Variants in BTBD9 observed in about 807,000 individuals in gnomAD.
BTBD9 encodes BTB domain containing 9.
Under a neutral mutation model 64.3 loss-of-function variants are expected in BTBD9, and 49 were observed. The ratio of observed to expected loss-of-function variants is 0.76; its 90% confidence interval spans 0.61 to 0.97. BTBD9 has a LOEUF of 0.97. Ranked by LOEUF, BTBD9 falls within the 50% of genes least tolerant of loss-of-function variation. The pLI, the probability that BTBD9 is intolerant of heterozygous loss-of-function variation, is 0.00. For synonymous variants in BTBD9, 260 were observed against 274.7 expected (o/e 0.95, Z 0.53); for missense variants, 598 against 762.1 (o/e 0.78, Z 2.53).
intron 6 of BTBD9, among the ~76,000 whole-genome samples, chr6:38,539,373 C>G (rs923473994): frequency 5.3e-5 from 8 of 152,128 alleles, no homozygotes; most frequent in Non-Finnish European, 1.2e-4. Context: ...AACAAATGAA[C>G]CTGGGGTTAA....
chr6:38,518,300 T>G (rs1300287876), intron 6 of BTBD9, among the ~76,000 whole-genome samples: 1 of 152,214 alleles, frequency 6.6e-6, no homozygotes, highest in African/African-American at 2.4e-5. Flanking sequence ...TATTCTCTCC[T>G]CCCAACGTGA....
chr6:38,347,078 T>C (rs993875926), intron 6 of BTBD9, among the ~76,000 whole-genome samples: 2 of 152,156 alleles, frequency 1.3e-5, no homozygotes, highest in African/African-American at 2.4e-5. Context: ...CCTCCTGTTC[T>C]TTCTTTTTAA....
intron 9 of BTBD9, chr6:38,207,226 T>C: frequency 5.0e-6 from 1 of 201,084 alleles, no homozygotes; most frequent in South Asian, 6.2e-5. Context: ...AGGGAGGAAA[T>C]GCAAGAGATC....
chr6:38,239,245 T>C (rs1238266381), intron 9 of BTBD9, among the ~76,000 whole-genome samples: 1 of 151,758 alleles, frequency 6.6e-6, no homozygotes, highest in East Asian at 1.9e-4. Context: ...ATCGAGACCA[T>C]CCTGGCCAAC....
chr6:38,417,644 C>T (rs1398552705), intron 6 of BTBD9, among the ~76,000 whole-genome samples: 2 of 151,996 alleles, frequency 1.3e-5, no homozygotes, highest in Non-Finnish European at 2.9e-5. Context: ...CATGGTGGCA[C>T]GTGCCTATAG....
In BTBD9 at chr6:38,302,507, A is replaced by G. The variant is rs569841248; in HGVS notation, c.1265-14046T>C. On this transcript the variant is annotated intron_variant, in intron 7 of 10. Transcript: ENST00000481247. ...TATGTATATATATATATATATATAT[A>G]TATATATATATATATATCACATTCT... is the stretch of plus-strand genomic sequence containing the variant. 7.0e-3 allele frequency among the ~76,000 whole-genome samples: 968 copies of G among 138,420 alleles called. 34 individuals carry two copies. The highest frequency in any genetic ancestry group is 0.025 in the African/African-American group (899 of 35,986). 90.8% of individuals were successfully genotyped at this position (138,420 alleles called of 152,430 possible).
chr6:38,465,563 G>A (rs1034468894), intron 6 of BTBD9, among the ~76,000 whole-genome samples: 10 of 149,268 alleles, frequency 6.7e-5, no homozygotes, highest in Non-Finnish European at 1.0e-4. Flanking sequence ...ACCAGGAGGT[G>A]GAGCTTGCAG....
intron 6 of BTBD9, among the ~76,000 whole-genome samples, chr6:38,478,728 G>C (rs1352873460): frequency 6.6e-6 from 1 of 152,180 alleles, no homozygotes; most frequent in Admixed American, 6.5e-5. Context: ...GAAGAGCTAA[G>C]AACTCCTGTT....
intron 6 of BTBD9, among the ~76,000 whole-genome samples, chr6:38,515,408 T>G (rs1281317017): frequency 6.6e-6 from 1 of 152,288 alleles, no homozygotes; most frequent in East Asian, 1.9e-4. Context: ...CGAATTTGCT[T>G]AAAAGATATC....
rs189401966 is a variant in BTBD9, at chr6:38,314,024, A to G, written c.1265-25563T>C. 1.2e-3 allele frequency among the ~76,000 whole-genome samples: 181 copies of G among 152,008 alleles called. 1 individual carries two copies. Among genetic ancestry groups the G allele is most frequent in the African/African-American group, 4.1e-3 (170 of 41,504 alleles). ...CCAAAGTGCTGGGATTATAGGTGTG[A>G]GCCACTGTGCCTGGTGAATGAACTT... On this transcript the variant is annotated intron_variant, in intron 7 of 10. Transcript: ENST00000481247.
At chr6:38,228,777 G>C (rs1763499456) in intron 9 of BTBD9, among the ~76,000 whole-genome samples, 2 of 152,102 alleles carry the variant, frequency 1.3e-5, no homozygotes, top group Non-Finnish European at 2.9e-5. Context: ...AGGAGGCTGA[G>C]GCAGGAGAAT....
chr6:38,611,417 T>A (rs952828537), intron 1 of BTBD9, among the ~76,000 whole-genome samples: 1 of 152,158 alleles, frequency 6.6e-6, no homozygotes, highest in Non-Finnish European at 1.5e-5. Flanking sequence ...AAAGAAATAT[T>A]TATCAAAAGG....
rs556886348 is a variant in BTBD9 at position 38,398,315 on chromosome 6, C to A, written c.1155-53222G>T. On this transcript the variant is annotated intron_variant, in intron 6 of 10. Transcript: ENST00000481247. The stretch of plus-strand genomic sequence containing the variant: ...GAGAAATATAAAATTGTACTTGTGC[C>A]AGGTTCACAAGTCTCTCTTTCTTCT... Among the ~76,000 whole-genome samples the A allele has an allele frequency of 2.6e-3, 398 of 152,182 alleles. 2 individuals carry two copies. Among genetic ancestry groups the A allele is most frequent in the Non-Finnish European group, 5.1e-3 (345 of 68,002 alleles).
intron 6 of BTBD9, among the ~76,000 whole-genome samples, chr6:38,382,052 T>C (rs1302017035): frequency 6.6e-6 from 1 of 152,156 alleles, no homozygotes; most frequent in Non-Finnish European, 1.5e-5. Flanking sequence ...GCAAAAACTG[T>C]CCGAATCAAC....
intron 6 of BTBD9, among the ~76,000 whole-genome samples, chr6:38,468,017 A>G (rs545620829): frequency 1.3e-5 from 2 of 152,310 alleles, no homozygotes; most frequent in African/African-American, 2.4e-5. Flanking sequence ...GGTAATTCCA[A>G]TAGAATTTCT....
At chr6:38,572,820 T>C (rs916853031) in intron 6 of BTBD9, among the ~76,000 whole-genome samples, 1 of 150,038 alleles carries the variant, frequency 6.7e-6, no homozygotes, top group Non-Finnish European at 1.5e-5. Flanking sequence ...AAGTTTAACA[T>C]ACTTTAATAT....
intron 8 of BTBD9, among the ~76,000 whole-genome samples, chr6:38,285,260 G>A (rs1182857617): frequency 1.3e-5 from 2 of 152,170 alleles, no homozygotes; most frequent in Non-Finnish European, 2.9e-5. Context: ...ACACAGAAGA[G>A]GGGAAGGATT....
chr6:38,241,682 A>C (rs77367793), intron 9 of BTBD9, among the ~76,000 whole-genome samples: 3,137 of 152,362 alleles, frequency 0.021, 54 homozygotes, highest in Non-Finnish European at 0.033. Flanking sequence ...TCAGTACATA[A>C]TTTATAACAC....
At position 38,171,880 on chromosome 6, in the gene BTBD9, AAATAATAATAAT is replaced by A. The variant is rs1291715173; in HGVS notation, c.*3093_*3104del. The A allele has an allele frequency of 2.6e-4, 23 of 89,548 alleles. No individual in the cohort carries two copies. In the South Asian group the frequency reaches 4.0e-3, roughly 16 times the overall value. 5.5% of individuals were successfully genotyped at this position (89,548 alleles called of 1,614,324 possible). A position where few individuals can be genotyped will look rare whatever the true frequency, so the allele number is the denominator to read the frequency against. On this transcript the variant is annotated 3_prime_UTR_variant, in exon 11 of 11. Coordinates refer to ENST00000481247, the MANE Select transcript of BTBD9 (RefSeq NM_001099272.2). ...AAAAAAAAAAAAAAAAAAAAAAAAA[AAATAATAATAAT>A]AATAATAATAATAATAATGAAAAGT...
Sources: gnomAD v4.1 joint callset for allele counts (sites outside exome capture counted in the v4.1 genomes callset) on GRCh38, gnomAD v4.1.1 for gene constraint, MANE v1.5 for transcripts, NCBI Gene and HGNC (gene_info 2026-07-23, HGNC 2026-07-21) for gene names.